The following ROS1 variants were observed in gnomAD, a reference collection of about 807,000 sequenced individuals.
ROS1 encodes proto-oncogene tyrosine-protein kinase ROS.
ROS1 carries 263 observed loss-of-function variants against 273.5 expected under a neutral mutation model. The observed-to-expected ratio is 0.96, with a 90% CI of 0.87 to 1.06. ROS1 has a LOEUF of 1.06. Ranked by LOEUF, ROS1 falls within the 50% of genes least tolerant of loss-of-function variation. The pLI, the probability that ROS1 is intolerant of heterozygous loss-of-function variation, is 0.00. For missense variants in ROS1, 2,833 were observed against 2,751.1 expected (o/e 1.03, Z -0.67); for synonymous variants, 1,008 against 954.1 (o/e 1.06, Z -1.04).
At position 117,324,348 on chromosome 6, in the gene ROS1, T is replaced by A. The variant is rs1351208615; in HGVS notation, c.5607A>T (p.Thr1869=). Residue 1869 remains threonine (T), a synonymous_variant, in exon 35 of 44, where the codon ACA becomes ACT. Coordinates refer to ENST00000368507, the MANE Select transcript of ROS1 (RefSeq NM_001378902.1). ...TIIVGIFLVV[T]IPLTFVWHRR... is the part of the protein sequence containing the mutation. The stretch of plus-strand genomic sequence containing the variant: ...TATACTTACCAAAGGTCAGTGGGAT[T>A]GTAACAACCAGAAATATTCCAACTA... 1 of 1,521,216 alleles carries A rather than the reference T, an allele frequency of 6.6e-7. No homozygotes were observed. The highest frequency in any genetic ancestry group is 1.4e-5 in the African/African-American group (1 of 72,442). The allele number at this position is 1,521,216 out of a possible 1,614,324, so 94.2% of individuals were successfully genotyped here.
intron 7 of ROS1, among the ~76,000 whole-genome samples, chr6:117,402,715 C>T (rs1303799441): frequency 6.6e-6 from 1 of 151,880 alleles, no homozygotes; most frequent in Non-Finnish European, 1.5e-5. Flanking sequence ...TGGTGAAACC[C>T]CATCTCCACT....
chr6:117,342,171 A>T (rs1777987183), intron 29 of ROS1, among the ~76,000 whole-genome samples: 2 of 152,148 alleles, frequency 1.3e-5, no homozygotes, highest in Admixed American at 6.6e-5. Flanking sequence ...ATTGATTTCA[A>T]TGTTTTACCT....
chr6:117,365,520 AG>A (rs1582749495), intron 20 of ROS1, 60 bp downstream of exon 20: 1 of 1,409,392 alleles, frequency 7.1e-7, no homozygotes, highest in East Asian at 2.3e-5. Context: ...AGTGTGGGCA[AG>A]GCTGACACAG....
intron 5 of ROS1, among the ~76,000 whole-genome samples, chr6:117,405,224 T>G (rs1774299752): frequency 6.6e-6 from 1 of 152,192 alleles, no homozygotes; most frequent in Non-Finnish European, 1.5e-5. Flanking sequence ...GACCTTACTC[T>G]GGTTAAGAGA....
At chr6:117,293,865 G>A (rs545134033) in intron 43 of ROS1, among the ~76,000 whole-genome samples, 20 of 152,192 alleles carry the variant, frequency 1.3e-4, no homozygotes, top group East Asian at 3.9e-4. Context: ...ATAAGAGCAC[G>A]CTAATATCCC....
At chr6:117,365,272 C>G (rs1780123362) in intron 20 of ROS1, 68 bp from the exon 21 acceptor site, 2 of 1,444,238 alleles carry the variant, frequency 1.4e-6, no homozygotes, top group Admixed American at 2.3e-5. Context: ...TCCTTATTAT[C>G]TAAAATCTCC....
intron 36 of ROS1, 159 bp downstream of exon 36, chr6:117,321,100 G>A (rs2128562578): frequency 2.9e-6 from 2 of 691,104 alleles, no homozygotes; most frequent in Non-Finnish European, 4.5e-6. Flanking sequence ...ATCCATCCCA[G>A]GTCACATTTG....
rs1436828538 is a variant in ROS1 at position 117,337,237 on chromosome 6, C to T, written c.5165G>A (p.Arg1722Lys). 1.9e-6 allele frequency: 3 copies of T among 1,612,604 alleles called. No individual in the cohort carries two copies. In the East Asian group the frequency reaches 6.7e-5, roughly 36 times the overall value. ...TCCCGTCTTATAAACCACCACTACT[C>T]TGACATTATATGAAGTATAAGGTTG... is the stretch of plus-strand genomic sequence containing the variant. ...NLQPYTSYNV[R>K]VVVVYKTGEN... Residue 1722 changes from arginine to lysine, a missense_variant, in exon 32 of 44, where the codon AGA (arginine) becomes AAA (lysine). Coordinates refer to ENST00000368507, the MANE Select transcript of ROS1 (RefSeq NM_001378902.1).
chr6:117,315,834 G>A (rs1024226389), intron 39 of ROS1, among the ~76,000 whole-genome samples: 3 of 152,078 alleles, frequency 2.0e-5, no homozygotes, highest in Admixed American at 2.0e-4. Context: ...CATCCACACT[G>A]CTTCCAGGAA....
At chr6:117,353,190 A>G (rs1187344313) in intron 26 of ROS1, 24 bp from the exon 27 acceptor site, 7 of 1,512,162 alleles carry the variant, frequency 4.6e-6, no homozygotes, top group Non-Finnish European at 6.2e-6. Context: ...CATAAGGAAT[A>G]TAAAGAACAA....
chr6:117,387,677 C>T (rs1772694137), intron 14 of ROS1, 103 bp downstream of exon 14: 1 of 1,180,996 alleles, frequency 8.5e-7, no homozygotes, highest in Non-Finnish European at 1.2e-6. Flanking sequence ...GTCAATACAC[C>T]CTCATTCTCA....
At chr6:117,408,554 TC>T (rs1440516124) in intron 5 of ROS1, among the ~76,000 whole-genome samples, 2 of 152,184 alleles carry the variant, frequency 1.3e-5, no homozygotes, top group African/African-American at 2.4e-5. Flanking sequence ...CATTAAAAAG[TC>T]AGGACACAAC....
At chr6:117,323,258 C>T (rs1348313178) in intron 35 of ROS1, among the ~76,000 whole-genome samples, 1 of 152,098 alleles carries the variant, frequency 6.6e-6, no homozygotes, top group African/African-American at 2.4e-5. Context: ...AATCTCAAAT[C>T]GAGCTTCAAA....
chr6:117,321,418 T>G (rs1776285380), intron 35 of ROS1, 24 bp from the exon 36 acceptor site: 1 of 1,566,798 alleles, frequency 6.4e-7, no homozygotes, highest in Admixed American at 2.0e-5. Flanking sequence ...AATGACATAA[T>G]TTACAAAATA....
chr6:117,325,010 G>T (rs1489477007), intron 34 of ROS1, among the ~76,000 whole-genome samples: 1 of 152,030 alleles, frequency 6.6e-6, no homozygotes, highest in Non-Finnish European at 1.5e-5. Context: ...AACAGAAAAA[G>T]AAGAAAAGAA....
intron 1 of ROS1, among the ~76,000 whole-genome samples, chr6:117,420,505 C>T (rs2128748658): frequency 6.6e-6 from 1 of 151,110 alleles, no homozygotes; most frequent in Admixed American, 6.6e-5. Context: ...GGGTGCAGCA[C>T]ACCAACATGG....
rs1163300111 is a variant in ROS1 at position 117,310,110 on chromosome 6, A to C, written c.6387T>G (p.Asp2129Glu). Residue 2129 changes from aspartate to glutamate, a missense_variant, in exon 41 of 44, where the codon GAT becomes GAG. By Grantham distance (45) the Asp-to-Glu change is conservative. Coordinates refer to ENST00000368507, the MANE Select transcript of ROS1 (RefSeq NM_001378902.1). ...VRWMAPESLM[D>E]GIFTTQSDVW... ...CATCAGATTGAGTAGTGAAGATTCC[A>C]TCCATCAAACTTTCTGGAGCCATCC... The C allele has an allele frequency of 6.2e-7, 1 of 1,613,452 alleles. No individual in the cohort carries two copies. Among genetic ancestry groups the C allele is most frequent in the Non-Finnish European group, 8.5e-7 (1 of 1,179,574 alleles).
intron 5 of ROS1, among the ~76,000 whole-genome samples, 154 bp downstream of exon 5, chr6:117,409,428 C>A (rs927843900): frequency 6.6e-6 from 1 of 152,104 alleles, no homozygotes; most frequent in Non-Finnish European, 1.5e-5. Flanking sequence ...ATGGCCTATA[C>A]GTTTGAAATT....
Position 117,393,269 on chromosome 6 carries a change from G to T in ROS1, c.1244C>A (p.Pro415His), listed in dbSNP as rs1199787368. ...NCSNIEEITP[P>H]SISAPQKIVA... Reference sequence around the variant, plus strand: ...AATTTTTTGAGGTGCACTAATAGAGGGTGGAGTAATTTCCTCGATGTTTGA... The same window carrying T: ...AATTTTTTGAGGTGCACTAATAGAGTGTGGAGTAATTTCCTCGATGTTTGA... The change falls in exon 12 of 44, where the codon CCC becomes CAC. Residue 415 changes from proline (P) to histidine (H), a missense_variant. Coordinates refer to ENST00000368507, the MANE Select transcript of ROS1 (RefSeq NM_001378902.1). The T allele has an allele frequency of 6.2e-7, 1 of 1,612,258 alleles. No individual in the cohort carries two copies. Among genetic ancestry groups the T allele is most frequent in the African/African-American group, 1.3e-5 (1 of 74,800 alleles).
Sources: allele counts gnomAD v4.1 joint callset (sites outside exome capture counted in the v4.1 genomes callset), GRCh38; gene constraint gnomAD v4.1.1; transcripts MANE v1.5; gene names NCBI Gene and HGNC (gene_info 2026-07-23, HGNC 2026-07-21).